Variants in METTL21C observed in about 807,000 individuals in gnomAD.
The protein encoded by METTL21C is methyltransferase 21C, AARS1 lysine, also known as protein-lysine methyltransferase METTL21C.
A neutral mutation model predicts 25.9 loss-of-function variants in METTL21C; 21 were observed. The observed-to-expected ratio is 0.81, with a 90% CI of 0.58 to 1.17. The LOEUF (loss-of-function observed/expected upper bound fraction) is 1.17. Ranked by LOEUF, METTL21C falls within the 50% of genes most tolerant of loss-of-function variation. The pLI, the probability that METTL21C is intolerant of heterozygous loss-of-function variation, is 0.00. For synonymous variants in METTL21C, 125 were observed against 124.7 expected, an observed-to-expected ratio of 1.00 and a Z score of -0.01; for missense variants, 312 against 315.1, an observed-to-expected ratio of 0.99 and a Z score of 0.07.
the METTL21C span, among the ~76,000 whole-genome samples, chr13:102,702,183 G>GTATA: frequency 6.7e-6 from 1 of 150,008 alleles, no homozygotes; most frequent in African/African-American, 2.5e-5. Flanking sequence ...AAGTGTGTGT[G>GTATA]TATATATATA....
In METTL21C at chr13:102,685,764, G is replaced by T; in HGVS notation, c.*267C>A. 1 of 359,752 alleles carries T rather than the reference G, an allele frequency of 2.8e-6. No homozygotes were observed. The highest frequency in any genetic ancestry group is 5.0e-6 in the Non-Finnish European group (1 of 199,632). 22.3% of individuals were successfully genotyped at this position (359,752 alleles called of 1,614,324 possible). A position where few individuals can be genotyped will look rare whatever the true frequency, so the allele number is the denominator to read the frequency against. Reference sequence around the variant, plus strand: ...TTCACTTATTACTTTATCCATGTAAGATTTATTAAACATGTAACTTCGTTG... The same window carrying T: ...TTCACTTATTACTTTATCCATGTAATATTTATTAAACATGTAACTTCGTTG... On this transcript the variant is annotated 3_prime_UTR_variant, in exon 4 of 4. Transcript: ENST00000267273.
chr13:102,697,959 G>C (rs9582610), upstream of METTL21C, among the ~76,000 whole-genome samples: 16,847 of 152,082 alleles, frequency 0.11, 2,718 homozygotes, highest in African/African-American at 0.35. Flanking sequence ...TATTTTTCCA[G>C]CAGGACCTCA....
intron 1 of METTL21C, among the ~76,000 whole-genome samples, chr13:102,692,163 C>CTTCT (rs1184450268): frequency 1.3e-5 from 2 of 152,102 alleles, no homozygotes; most frequent in African/African-American, 4.8e-5. Context: ...TAGAAGGGGG[C>CTTCT]AGCCGGTGAA....
upstream of METTL21C, among the ~76,000 whole-genome samples, chr13:102,696,453 G>A (rs150674605): frequency 7.1e-3 from 1,076 of 151,656 alleles, 6 homozygotes; most frequent in African/African-American, 0.017. Flanking sequence ...ACCATGGCAC[G>A]TGTATACCTA....
At chr13:102,703,194 CAGA>C in the METTL21C span, among the ~76,000 whole-genome samples, 1 of 152,174 alleles carries the variant, frequency 6.6e-6, no homozygotes, top group African/African-American at 2.4e-5. Context: ...CAAAATAAAT[CAGA>C]AGCTTTTAGA....
the METTL21C span, among the ~76,000 whole-genome samples, chr13:102,700,534 A>G: frequency 1.3e-5 from 2 of 152,248 alleles, no homozygotes; most frequent in African/African-American, 4.8e-5. Context: ...GCTGAGCTAT[A>G]AGCATGTGAT....
At chr13:102,688,494 G>A (rs978978159) in intron 2 of METTL21C, among the ~76,000 whole-genome samples, 2 of 152,180 alleles carry the variant, frequency 1.3e-5, no homozygotes, top group Admixed American at 6.5e-5. Flanking sequence ...CGACTTCATG[G>A]GGCCGGGGAG....
At chr13:102,701,119 G>A in the METTL21C span, among the ~76,000 whole-genome samples, 1 of 151,852 alleles carries the variant, frequency 6.6e-6, no homozygotes, top group Admixed American at 6.6e-5. Context: ...CCTGTTCTAG[G>A]GGAAGGAATG....
chr13:102,693,467 C>T (rs1463542539), intron 1 of METTL21C, among the ~76,000 whole-genome samples: 2 of 152,198 alleles, frequency 1.3e-5, no homozygotes, highest in Admixed American at 6.5e-5. Context: ...CCAGGCCATG[C>T]CTGTCCCTCC....
At chr13:102,688,571 C>G (rs953125905) in intron 2 of METTL21C, among the ~76,000 whole-genome samples, 3 of 152,132 alleles carry the variant, frequency 2.0e-5, no homozygotes, top group Admixed American at 2.0e-4. Flanking sequence ...TAAATAGCAC[C>G]AACTGCAGCA....
At chr13:102,690,620 C>T (rs1885804991) in intron 2 of METTL21C, among the ~76,000 whole-genome samples, 193 bp downstream of exon 2, 1 of 151,826 alleles carries the variant, frequency 6.6e-6, no homozygotes, top group African/African-American at 2.4e-5. Context: ...TGAAGCAAAA[C>T]CAGTGTTTCT....
chr13:102,694,149 G>A (rs1349929050), intron 1 of METTL21C, among the ~76,000 whole-genome samples: 5 of 152,036 alleles, frequency 3.3e-5, no homozygotes, highest in Non-Finnish European at 5.9e-5. Flanking sequence ...TGCAAACTTT[G>A]ATAAGTAATG....
intron 2 of METTL21C, among the ~76,000 whole-genome samples, chr13:102,687,564 G>A (rs898209904): frequency 6.6e-6 from 1 of 152,184 alleles, no homozygotes; most frequent in African/African-American, 2.4e-5. Context: ...ATTGAGCGAC[G>A]GGTTAGTGAC....
rs1458687421 is a variant in METTL21C at position 102,685,857 on chromosome 13, TTA to T, written c.*172_*173del. On this transcript the variant is annotated 3_prime_UTR_variant, in exon 4 of 4. Transcript: ENST00000267273. ...AGATATTTAGATTAACCAGATAATCTTAAATTATCTTAGAAATTAGAAAGTTT... is the reference window on the plus strand; with the variant it reads ...AGATATTTAGATTAACCAGATAATCTAATTATCTTAGAAATTAGAAAGTTT... The T allele has an allele frequency of 1.7e-6, 1 of 577,410 alleles. No individual in the cohort carries two copies. Among genetic ancestry groups the T allele is most frequent in the Non-Finnish European group, 2.8e-6 (1 of 354,120 alleles). The allele number at this position is 577,410 out of a possible 1,614,324, so 35.8% of individuals were successfully genotyped here.
rs893421100 is a variant in METTL21C at position 102,694,840 on chromosome 13, A to G, written c.-342T>C. On this transcript the variant is annotated 5_prime_UTR_variant, in exon 1 of 4. It removes an upstream start codon present in the reference 5' UTR. Transcript: ENST00000267273. ...AGGGTAGCATTATCTACCAGTCCTC[A>G]TAGACACATTACTTTGCTAGAATTC... Among the ~76,000 whole-genome samples, 3 of 151,696 alleles carry G rather than the reference A, an allele frequency of 2.0e-5. No homozygotes were observed. Among genetic ancestry groups the G allele is most frequent in the African/African-American group, 7.3e-5 (3 of 41,220 alleles).
At position 102,693,024 on chromosome 13, in the gene METTL21C, G is replaced by A. The variant is rs145424375; in HGVS notation, c.130+1345C>T. On this transcript the variant is annotated intron_variant, in intron 1 of 3. Transcript: ENST00000267273. ...CTAGTTCAGCAAGAGGGGAAGAAGCGGTGATTGACAGCGTTTGACGATTGC... is the reference window on the plus strand; with the variant it reads ...CTAGTTCAGCAAGAGGGGAAGAAGCAGTGATTGACAGCGTTTGACGATTGC... 2.8e-3 allele frequency among the ~76,000 whole-genome samples: 429 copies of A among 152,212 alleles called. 2 individuals carry two copies. The highest frequency in any genetic ancestry group is 3.3e-3 in the Non-Finnish European group (226 of 68,006).
chr13:102,689,483 A>G (rs1885772193), intron 2 of METTL21C, among the ~76,000 whole-genome samples: 1 of 152,246 alleles, frequency 6.6e-6, no homozygotes, highest in Non-Finnish European at 1.5e-5. Flanking sequence ...CCATCGCCAG[A>G]TGACCTGAGG....
the METTL21C span, among the ~76,000 whole-genome samples, chr13:102,700,173 G>A: frequency 6.6e-6 from 1 of 152,158 alleles, no homozygotes; most frequent in Non-Finnish European, 1.5e-5. Flanking sequence ...CAGCAGTGAA[G>A]TTATAGTCTT....
At chr13:102,702,234 G>A in the METTL21C span, among the ~76,000 whole-genome samples, 1 of 122,818 alleles carries the variant, frequency 8.1e-6, no homozygotes. Context: ...GAGACAGAAA[G>A]AGAGAGAGAG....
Sources: allele counts gnomAD v4.1 joint callset (sites outside exome capture counted in the v4.1 genomes callset), GRCh38; gene constraint gnomAD v4.1.1; transcripts MANE v1.5; gene names NCBI Gene and HGNC (gene_info 2026-07-23, HGNC 2026-07-21).